Variants in ERC1 observed in about 807,000 individuals in gnomAD.
ERC1 encodes ELKS/RAB6-interacting/CAST family member 1, also known as RAB6 interacting protein 2.
A neutral mutation model predicts 132.0 loss-of-function variants in ERC1; 56 were observed. That is an observed-to-expected ratio of 0.42 (90% CI 0.34 to 0.53). ERC1 has a LOEUF of 0.53. Among genes scored for constraint, ERC1 ranks in the 20% least tolerant of loss-of-function variants. The pLI is 0.03. For synonymous variants in ERC1, 478 were observed against 476.1 expected, an observed-to-expected ratio of 1.00 and a Z score of -0.05; for missense variants, 1,202 against 1,349.9, an observed-to-expected ratio of 0.89 and a Z score of 1.72.
chr12:1,478,516 G>A (rs11061771), intron 18 of ERC1, among the ~76,000 whole-genome samples: 50,248 of 151,872 alleles, frequency 0.33, 8,685 homozygotes, highest in African/African-American at 0.43. Flanking sequence ...AAATCCGGCC[G>A]GGCGCGGTGG....
chr12:1,485,444 C>T (rs899870163), intron 18 of ERC1, among the ~76,000 whole-genome samples: 10 of 152,182 alleles, frequency 6.6e-5, no homozygotes, highest in African/African-American at 2.4e-4. Flanking sequence ...ACCTTGTGAT[C>T]TGCCCACCTT....
chr12:1,162,159 T>C (rs1304803281), intron 8 of ERC1, among the ~76,000 whole-genome samples: 1 of 152,186 alleles, frequency 6.6e-6, no homozygotes, highest in East Asian at 1.9e-4. Context: ...AACGAGACAA[T>C]AGCAGATGGC....
At chr12:1,351,313 G>A (rs186879178) in intron 15 of ERC1, among the ~76,000 whole-genome samples, 60 of 152,306 alleles carry the variant, frequency 3.9e-4, no homozygotes, top group Middle Eastern at 3.4e-3. Flanking sequence ...TAATTTCTAT[G>A]TTTTGAGTAA....
At chr12:1,225,213 A>T in intron 12 of ERC1, among the ~76,000 whole-genome samples, 1 of 151,572 alleles carries the variant, frequency 6.6e-6, no homozygotes, top group Admixed American at 6.6e-5. Context: ...AATCTCAGCA[A>T]CTCAGGAGTC....
intron 15 of ERC1, among the ~76,000 whole-genome samples, chr12:1,341,361 A>G (rs1040053564): frequency 6.6e-6 from 1 of 151,786 alleles, no homozygotes; most frequent in Non-Finnish European, 1.5e-5. Context: ...AGACATGCAC[A>G]CATATGTTTA....
At chr12:1,124,289 G>A (rs928458496) in intron 7 of ERC1, among the ~76,000 whole-genome samples, 1 of 152,064 alleles carries the variant, frequency 6.6e-6, no homozygotes, top group Non-Finnish European at 1.5e-5. Flanking sequence ...CACTCCTAAT[G>A]CAGCAAAATT....
intron 18 of ERC1, among the ~76,000 whole-genome samples, chr12:1,455,315 A>T (rs1379956387): frequency 6.6e-6 from 1 of 152,076 alleles, no homozygotes; most frequent in Non-Finnish European, 1.5e-5. Context: ...ACTAGGTCTT[A>T]CTTCTATCTA....
At chr12:994,655 T>G (rs1007063385) in intron 1 of ERC1, among the ~76,000 whole-genome samples, 3 of 152,212 alleles carry the variant, frequency 2.0e-5, no homozygotes, top group African/African-American at 7.2e-5. Context: ...TGTATACTAT[T>G]TTTACTTAAT....
intron 14 of ERC1, among the ~76,000 whole-genome samples, chr12:1,265,712 C>G (rs1434309525): frequency 2.0e-5 from 3 of 152,156 alleles, no homozygotes; most frequent in African/African-American, 7.2e-5. Flanking sequence ...GTATCATGCC[C>G]CACCGATTTA....
intron 15 of ERC1, among the ~76,000 whole-genome samples, chr12:1,346,241 C>T (rs879920236): frequency 6.6e-6 from 1 of 152,082 alleles, no homozygotes; most frequent in South Asian, 2.1e-4. Context: ...AGGTTCAGAT[C>T]GTCTGTGAAA....
chr12:1,396,103 A>G (rs760465544), intron 16 of ERC1, among the ~76,000 whole-genome samples: 87 of 152,362 alleles, frequency 5.7e-4, no homozygotes, highest in Admixed American at 8.5e-4. Context: ...AACTAGTGTA[A>G]GGAACAGAAA....
chr12:1,070,194 A>G (rs1425957873), intron 2 of ERC1, among the ~76,000 whole-genome samples: 1 of 152,248 alleles, frequency 6.6e-6, no homozygotes, highest in East Asian at 1.9e-4. Flanking sequence ...ATGTAAGGTT[A>G]CATTGAGTTA....
chr12:1,285,461 A>G (rs368470912), intron 14 of ERC1, among the ~76,000 whole-genome samples: 28 of 152,334 alleles, frequency 1.8e-4, no homozygotes, highest in African/African-American at 6.5e-4. Context: ...GAAAAATGGC[A>G]CAATGAACAA....
intron 7 of ERC1, among the ~76,000 whole-genome samples, chr12:1,137,000 T>A (rs576573550): frequency 5.3e-5 from 8 of 152,182 alleles, no homozygotes; most frequent in Non-Finnish European, 1.0e-4. Context: ...TGGTATGTGA[T>A]AACAGATTAT....
chr12:1,299,995 C>T (rs750674220), intron 15 of ERC1, among the ~76,000 whole-genome samples: 11 of 152,038 alleles, frequency 7.2e-5, no homozygotes, highest in Non-Finnish European at 1.6e-4. Flanking sequence ...CAAAAAAGAG[C>T]CCAAATAGCC....
At chr12:1,310,988 T>C (rs2081263417) in intron 15 of ERC1, among the ~76,000 whole-genome samples, 1 of 152,228 alleles carries the variant, frequency 6.6e-6, no homozygotes, top group African/African-American at 2.4e-5. Flanking sequence ...GTTCACCTCT[T>C]TCTTCAAAAT....
chr12:1,316,917 T>C (rs867037519), intron 15 of ERC1, among the ~76,000 whole-genome samples: 26 of 152,276 alleles, frequency 1.7e-4, no homozygotes, highest in African/African-American at 6.0e-4. Flanking sequence ...CCCAGCACTT[T>C]GGGAGGCCGA....
At chr12:1,068,332 A>G (rs1939658831) in intron 2 of ERC1, among the ~76,000 whole-genome samples, 2 of 148,036 alleles carry the variant, frequency 1.4e-5, no homozygotes, top group Admixed American at 6.8e-5. Context: ...GTAATTGTAC[A>G]CTAAGGTGCC....
intron 1 of ERC1, among the ~76,000 whole-genome samples, chr12:994,967 G>A (rs539134658): frequency 6.6e-5 from 10 of 152,066 alleles, no homozygotes; most frequent in East Asian, 1.9e-4. Flanking sequence ...GTGGTGGCGC[G>A]TGCCTGGAAT....
Sources: gnomAD v4.1 joint callset for allele counts (sites outside exome capture counted in the v4.1 genomes callset) on GRCh38, gnomAD v4.1.1 for gene constraint, MANE v1.5 for transcripts, NCBI Gene and HGNC (gene_info 2026-07-23, HGNC 2026-07-21) for gene names.